The following PHACTR3 variants were observed in gnomAD, a reference collection of about 807,000 sequenced individuals.
PHACTR3 encodes the protein phosphatase and actin regulator 3, also known as protein phosphatase 1, regulatory subunit 123.
PHACTR3 carries 16 observed loss-of-function variants against 66.8 expected under a neutral mutation model. The ratio of observed to expected loss-of-function variants is 0.24; its 90% CI spans 0.16 to 0.36. The LOEUF is 0.36. Ranked by LOEUF, PHACTR3 falls within the 10% of genes least tolerant of loss-of-function variation. The pLI is 1.00. For synonymous variants in PHACTR3, 323 were observed against 292.1 expected, an observed-to-expected ratio of 1.11 and a Z score of -1.08; for missense variants, 647 against 719.9, an observed-to-expected ratio of 0.90 and a Z score of 1.16.
intron 8 of PHACTR3, among the ~76,000 whole-genome samples, chr20:59,821,246 C>T (rs948190659): frequency 3.9e-5 from 6 of 152,160 alleles, no homozygotes; most frequent in Non-Finnish European, 5.9e-5. Flanking sequence ...GACTCCAGAC[C>T]GCACGTTAGA....
chr20:59,602,731 G>A (rs1007675022), upstream of PHACTR3, among the ~76,000 whole-genome samples: 8 of 152,174 alleles, frequency 5.3e-5, no homozygotes, highest in Non-Finnish European at 7.3e-5. Context: ...GAACTGAACT[G>A]TCTCAGGTGT....
intron 8 of PHACTR3, among the ~76,000 whole-genome samples, chr20:59,811,333 C>T (rs73307153): frequency 0.012 from 1,804 of 152,278 alleles, 46 homozygotes; most frequent in African/African-American, 0.04. Context: ...CCAGGTGTCT[C>T]GGGCAAAGGA....
chr20:59,745,758 C>T (rs931368281), intron 2 of PHACTR3, among the ~76,000 whole-genome samples: 1 of 152,206 alleles, frequency 6.6e-6, no homozygotes, highest in African/African-American at 2.4e-5. Context: ...TCCATGCCTG[C>T]CCTGGCAGGT....
At chr20:59,720,099 C>G (rs2038238799) in intron 1 of PHACTR3, among the ~76,000 whole-genome samples, 1 of 152,152 alleles carries the variant, frequency 6.6e-6, no homozygotes, top group South Asian at 2.1e-4. Flanking sequence ...CTGGGCAGAC[C>G]TAAAACGAGG....
At chr20:59,672,010 A>G (rs1601059977) in intron 1 of PHACTR3, among the ~76,000 whole-genome samples, 1 of 152,322 alleles carries the variant, frequency 6.6e-6, no homozygotes, top group Non-Finnish European at 1.5e-5. Flanking sequence ...GGCCTCAGCT[A>G]GAGATTCTTC....
chr20:59,832,687 T>C (rs6100616), intron 8 of PHACTR3, among the ~76,000 whole-genome samples: 3,076 of 152,224 alleles, frequency 0.02, 123 homozygotes, highest in African/African-American at 0.068. Context: ...ATCCAGACTC[T>C]CTCTCCAGCG....
chr20:59,682,055 C>A (rs1055765138), intron 1 of PHACTR3, among the ~76,000 whole-genome samples: 10 of 151,788 alleles, frequency 6.6e-5, no homozygotes, highest in African/African-American at 1.9e-4. Context: ...AATCAGGCCT[C>A]TTGGCTGGAC....
At chr20:59,678,383 T>C (rs7266699) in intron 1 of PHACTR3, among the ~76,000 whole-genome samples, 41,607 of 152,046 alleles carry the variant, frequency 0.27, 6,608 homozygotes, top group African/African-American at 0.44. Context: ...CCTGCCTCCC[T>C]GGGAGCCACA....
intron 1 of PHACTR3, among the ~76,000 whole-genome samples, chr20:59,595,339 G>A (rs1306501120): frequency 6.6e-6 from 1 of 152,168 alleles, no homozygotes; most frequent in Non-Finnish European, 1.5e-5. Flanking sequence ...GTGCACGCCT[G>A]TAGTCCCGGC....
In PHACTR3 at chr20:59,763,740, G is replaced by C. The variant is rs560407499; in HGVS notation, c.542-3446G>C. ...TAGGCCTTCATCCTGGGGCAGCCCA[G>C]GTGGACATTCAGATGCAGGAGGTGG... is the stretch of plus-strand genomic sequence containing the variant. On this transcript the variant is annotated intron_variant, in intron 4 of 12. Transcript: ENST00000371015. 3.9e-5 allele frequency among the ~76,000 whole-genome samples: 6 copies of C among 152,332 alleles called. No individual in the cohort carries two copies. In the South Asian group the frequency reaches 8.3e-4, roughly 21 times the overall value.
At chr20:59,737,617 A>C (rs1027198780) in intron 1 of PHACTR3, among the ~76,000 whole-genome samples, 2 of 151,974 alleles carry the variant, frequency 1.3e-5, no homozygotes, top group Non-Finnish European at 2.9e-5. Context: ...TGTGATGAGA[A>C]AAATAAAGAG....
chr20:59,824,429 G>C (rs1293998923), intron 8 of PHACTR3, among the ~76,000 whole-genome samples: 1 of 152,218 alleles, frequency 6.6e-6, no homozygotes, highest in Admixed American at 6.5e-5. Flanking sequence ...TGGTTTTGCA[G>C]TTTCTATATT....
chr20:59,651,827 T>TGGTA (rs3042679), intron 1 of PHACTR3, among the ~76,000 whole-genome samples: 2,996 of 147,792 alleles, frequency 0.02, 36 homozygotes, highest in Non-Finnish European at 0.026. Flanking sequence ...AGGATCTTTT[T>TGGTA]GGTAGGTAGG....
chr20:59,586,167 C>A (rs960090391), intron 1 of PHACTR3, among the ~76,000 whole-genome samples: 15 of 152,208 alleles, frequency 9.9e-5, no homozygotes, highest in African/African-American at 3.6e-4. Flanking sequence ...GTCATTCTGC[C>A]TCCTGGAGGC....
intron 7 of PHACTR3, among the ~76,000 whole-genome samples, chr20:59,783,722 G>A (rs1397504700): frequency 1.3e-5 from 2 of 152,250 alleles, no homozygotes; most frequent in African/African-American, 4.8e-5. Context: ...TGCCCTGGGT[G>A]CTGTGGACAC....
intron 1 of PHACTR3, 28 bp downstream of exon 1, chr20:59,605,160 G>C (rs989854501): frequency 7.9e-7 from 1 of 1,266,382 alleles, no homozygotes; most frequent in Non-Finnish European, 1.0e-6. Flanking sequence ...GGCGGCGGGC[G>C]GGTCGGGGAG....
At chr20:59,711,329 T>G (rs1297354299) in intron 1 of PHACTR3, among the ~76,000 whole-genome samples, 2 of 152,196 alleles carry the variant, frequency 1.3e-5, no homozygotes, top group African/African-American at 4.8e-5. Context: ...CGTAAACTTT[T>G]TTAAGCTCTT....
intron 7 of PHACTR3, among the ~76,000 whole-genome samples, chr20:59,779,269 C>T (rs887738188): frequency 6.6e-6 from 1 of 152,160 alleles, no homozygotes; most frequent in African/African-American, 2.4e-5. Flanking sequence ...ACTGTGTCCC[C>T]AATGCTCCAG....
intron 5 of PHACTR3, among the ~76,000 whole-genome samples, chr20:59,771,605 T>TCTCCCAGCCCTTTTCTCTCC: frequency 6.8e-6 from 1 of 146,670 alleles, no homozygotes; most frequent in South Asian, 2.2e-4. Flanking sequence ...CACCACTCTC[T>TCTCCCAGCCCTTTTCTCTCC]CTCCCAGCCC....
Sources: allele counts gnomAD v4.1 joint callset (sites outside exome capture counted in the v4.1 genomes callset), GRCh38; gene constraint gnomAD v4.1.1; transcripts MANE v1.5; gene names NCBI Gene and HGNC (gene_info 2026-07-23, HGNC 2026-07-21).